Variants in TENT2 observed in about 807,000 individuals in gnomAD.
The protein encoded by TENT2 is poly(A) RNA polymerase GLD2.
A neutral mutation model predicts 72.2 loss-of-function variants in TENT2; 44 were observed. The ratio of observed to expected loss-of-function variants is 0.61; its 90% confidence interval spans 0.48 to 0.78. The LOEUF is 0.78. TENT2 is among the 30% of genes least tolerant of loss of function. The pLI is 0.00. For missense variants in TENT2, 541 were observed against 569.6 expected, an observed-to-expected ratio of 0.95 and a Z score of 0.51; for synonymous variants, 212 against 192.5, an observed-to-expected ratio of 1.10 and a Z score of -0.84.
At chr5:79,619,582 A>G in intron 1 of TENT2, 30 bp from the exon 2 acceptor site, 1 of 1,465,402 alleles carries the variant, frequency 6.8e-7, no homozygotes, top group Non-Finnish European at 9.2e-7. Context: ...AGCTATGATA[A>G]TTTAATATTG....
intron 1 of TENT2, among the ~76,000 whole-genome samples, chr5:79,617,156 T>C (rs1209886191): frequency 6.6e-6 from 1 of 151,568 alleles, no homozygotes; most frequent in Non-Finnish European, 1.5e-5. Flanking sequence ...ATAAAGCTTC[T>C]ATAGTTCATT....
chr5:79,684,634 C>T (rs959833272), intron 14 of TENT2, among the ~76,000 whole-genome samples: 24 of 152,222 alleles, frequency 1.6e-4, no homozygotes, highest in Non-Finnish European at 2.8e-4. Context: ...ATCCTCTCTT[C>T]TCAAATCCAA....
chr5:79,658,725 C>T (rs1291337072), intron 11 of TENT2, among the ~76,000 whole-genome samples: 1 of 152,188 alleles, frequency 6.6e-6, no homozygotes, highest in Non-Finnish European at 1.5e-5. Context: ...CCCTATGCTA[C>T]ATGAAGCTCT....
At chr5:79,625,516 A>C (rs1284352733) in intron 4 of TENT2, among the ~76,000 whole-genome samples, 2 of 151,824 alleles carry the variant, frequency 1.3e-5, no homozygotes, top group Admixed American at 1.3e-4. Flanking sequence ...AATTTTTAAA[A>C]TTTATTTATT....
intron 12 of TENT2, among the ~76,000 whole-genome samples, chr5:79,671,267 A>G (rs1812751062): frequency 6.6e-6 from 1 of 152,162 alleles, no homozygotes; most frequent in Non-Finnish European, 1.5e-5. Flanking sequence ...CAGAAATTTG[A>G]AATGTGGGGA....
intron 9 of TENT2, 29 bp downstream of exon 9, chr5:79,648,722 T>C (rs960033848): frequency 2.7e-6 from 4 of 1,497,376 alleles, no homozygotes; most frequent in Non-Finnish European, 3.6e-6. Flanking sequence ...TATTAAAAAT[T>C]AGCCTTTTTT....
Position 79,676,366 on chromosome 5 carries a change from G to A in TENT2, c.1209-3213G>A, listed in dbSNP as rs559280879. On this transcript the variant is annotated intron_variant, in intron 12 of 14. Transcript: ENST00000453514. ...CTTGGGAGGCTGAGGTGGGCAGATC[G>A]CTTGAGGTCAAGAGTTTGAGACCAG... is the stretch of plus-strand genomic sequence containing the variant. Among the ~76,000 whole-genome samples the A allele has an allele frequency of 1.1e-3, 167 of 152,144 alleles. 1 individual carries two copies. Among genetic ancestry groups the A allele is most frequent in the African/African-American group, 3.9e-3 (160 of 41,522 alleles).
At chr5:79,677,773 AT>A (rs1580668417) in intron 12 of TENT2, among the ~76,000 whole-genome samples, 1 of 152,136 alleles carries the variant, frequency 6.6e-6, no homozygotes, top group East Asian at 1.9e-4. Context: ...ATGTAAGAAA[AT>A]TGTTGGAAAC....
chr5:79,669,465 G>A (rs1247226556), intron 12 of TENT2, among the ~76,000 whole-genome samples: 1 of 152,180 alleles, frequency 6.6e-6, no homozygotes, highest in East Asian at 1.9e-4. Context: ...TATACAAATT[G>A]AGGAATGTGT....
intron 1 of TENT2, among the ~76,000 whole-genome samples, chr5:79,614,421 A>G (rs913167585): frequency 2.0e-5 from 3 of 152,070 alleles, no homozygotes; most frequent in Non-Finnish European, 4.4e-5. Flanking sequence ...CTACTCTTTT[A>G]CTACCTTGTC....
At chr5:79,619,022 T>C (rs1374773374) in intron 1 of TENT2, among the ~76,000 whole-genome samples, 1 of 152,188 alleles carries the variant, frequency 6.6e-6, no homozygotes, top group African/African-American at 2.4e-5. Flanking sequence ...AGAATAAATA[T>C]CTACTCTCCT....
At chr5:79,679,827 T>G (rs1475228492) in intron 13 of TENT2, among the ~76,000 whole-genome samples, 157 bp downstream of exon 13, 1 of 152,190 alleles carries the variant, frequency 6.6e-6, no homozygotes, top group Non-Finnish European at 1.5e-5. Flanking sequence ...CATTTAAAAT[T>G]TTTTAGGTAT....
chr5:79,685,226 G>C lies in TENT2; in HGVS notation c.1408G>C (p.Asp470His). Reference protein sequence around the residue: ...KSWHRLKNKRDLNSILPVRAA... With the variant: ...KSWHRLKNKRHLNSILPVRAA... ...ATGGCACAGATTGAAAAACAAGAGAGATTTGAACAGTATACTACCTGTAAG... is the reference window on the plus strand; with the variant it reads ...ATGGCACAGATTGAAAAACAAGAGACATTTGAACAGTATACTACCTGTAAG... Residue 470 changes from aspartate (D) to histidine (H), a missense_variant, in exon 15 of 15, where the codon GAT becomes CAT. Physicochemically the swap from Asp to His is moderately conservative, Grantham distance 81. Coordinates refer to ENST00000453514, the MANE Select transcript of TENT2 (RefSeq NM_001114394.3). 1 of 1,607,368 alleles carries C rather than the reference G, an allele frequency of 6.2e-7. No individual in the cohort carries two copies. Among genetic ancestry groups the C allele is most frequent in the South Asian group, 1.1e-5 (1 of 89,012 alleles).
chr5:79,654,929 T>C (rs1365591038), intron 10 of TENT2, among the ~76,000 whole-genome samples: 2 of 152,324 alleles, frequency 1.3e-5, no homozygotes, highest in African/African-American at 2.4e-5. Context: ...CAAGCTGTTA[T>C]GGAAACTATG....
chr5:79,679,239 CA>C (rs1819838092), intron 12 of TENT2, among the ~76,000 whole-genome samples: 1 of 151,792 alleles, frequency 6.6e-6, no homozygotes, highest in Non-Finnish European at 1.5e-5. Flanking sequence ...TTCATTTTTT[CA>C]ATAAATATGT....
At chr5:79,622,496 T>G (rs139392445) in intron 3 of TENT2, among the ~76,000 whole-genome samples, 15 of 152,314 alleles carry the variant, frequency 9.8e-5, no homozygotes, top group Non-Finnish European at 1.9e-4. Context: ...AGAAAAAGAA[T>G]AATATGGTGA....
chr5:79,665,209 A>G (rs1302561136), intron 11 of TENT2, among the ~76,000 whole-genome samples: 2 of 152,172 alleles, frequency 1.3e-5, no homozygotes, highest in Non-Finnish European at 2.9e-5. Context: ...TCTTTAACAT[A>G]CATTTCTAGG....
Position 79,648,630 on chromosome 5 carries a change from G to T in TENT2, c.835G>T (p.Asp279Tyr). 3 of 1,584,210 alleles carry T rather than the reference G, an allele frequency of 1.9e-6. No homozygotes were observed. The South Asian group carries it at 3.5e-5, about 19-fold the overall frequency. ...TTTCTTAAATAGTTGTGTGGAGTTT[G>T]ACTTGAATGTAAACAATATTGTTGG... ...FRDKVSCVEF[D>Y]LNVNNIVGIR... The change falls in exon 9 of 15, where the codon GAC (aspartate) becomes TAC (tyrosine). Residue 279 changes from aspartate to tyrosine, a missense_variant. Coordinates refer to ENST00000453514, the MANE Select transcript of TENT2 (RefSeq NM_001114394.3).
In TENT2 at chr5:79,685,360, G is replaced by T; in HGVS notation, c.*87G>T. 2.2e-6 allele frequency: 2 copies of T among 921,778 alleles called. No homozygotes were observed. The highest frequency in any genetic ancestry group is 2.0e-5 in the South Asian group (1 of 51,208). The allele number at this position is 921,778 out of a possible 1,614,324, so 57.1% of individuals were successfully genotyped here. A position where few individuals can be genotyped will look rare whatever the true frequency, so the allele number is the denominator to read the frequency against. On this transcript the variant is annotated 3_prime_UTR_variant, in exon 15 of 15. Coordinates refer to ENST00000453514, the MANE Select transcript of TENT2 (RefSeq NM_001114394.3). ...CATTATGTTTACCTCCATCATAGTT[G>T]CTTTTTTCATAGTTCTTGTTTTCAT... is the stretch of plus-strand genomic sequence containing the variant.
Sources: allele counts gnomAD v4.1 joint callset (sites outside exome capture counted in the v4.1 genomes callset), GRCh38; gene constraint gnomAD v4.1.1; transcripts MANE v1.5; gene names NCBI Gene and HGNC (gene_info 2026-07-23, HGNC 2026-07-21).